Variants in ARHGAP22 observed in about 807,000 individuals in gnomAD.
The protein encoded by ARHGAP22 is Rho GTPase activating protein 22, also known as rho GTPase-activating protein 22.
In ARHGAP22, 48 loss-of-function variants were observed where a neutral mutation model predicts 59.1. That is an observed-to-expected ratio of 0.81 (90% CI 0.64 to 1.03). The LOEUF (loss-of-function observed/expected upper bound fraction) is 1.03. Ranked by LOEUF, ARHGAP22 falls within the 50% of genes least tolerant of loss-of-function variation. ARHGAP22 has a pLI of 0.00. For missense variants in ARHGAP22, 1,015 were observed against 958.7 expected (o/e 1.06, Z -0.78); for synonymous variants, 445 against 416.4 (o/e 1.07, Z -0.84).
chr10:48,649,692 C>G (rs1230627381), intron 1 of ARHGAP22, among the ~76,000 whole-genome samples: 2 of 152,068 alleles, frequency 1.3e-5, no homozygotes, highest in East Asian at 3.9e-4. Flanking sequence ...AGGAGAGTTC[C>G]CTAGGAGGAG....
At chr10:48,640,216 T>C (rs188588116) in intron 1 of ARHGAP22, among the ~76,000 whole-genome samples, 218 of 152,168 alleles carry the variant, frequency 1.4e-3, no homozygotes, top group African/African-American at 5.0e-3. Context: ...AGAAAAGACT[T>C]TCAGAGACCT....
downstream of ARHGAP22, among the ~76,000 whole-genome samples, chr10:48,443,534 G>A (rs577914938): frequency 6.6e-6 from 1 of 152,226 alleles, no homozygotes; most frequent in South Asian, 2.1e-4. Context: ...CCTGGTGCAA[G>A]TGGGGGTTCT....
chr10:48,571,052 T>C (rs573747495), intron 2 of ARHGAP22, among the ~76,000 whole-genome samples: 2 of 152,346 alleles, frequency 1.3e-5, no homozygotes, highest in Non-Finnish European at 2.9e-5. Context: ...CTTCCATTCC[T>C]CTTTGCCTTA....
At chr10:48,624,663 T>C (rs1413273135) in intron 1 of ARHGAP22, among the ~76,000 whole-genome samples, 1 of 152,228 alleles carries the variant, frequency 6.6e-6, no homozygotes, top group African/African-American at 2.4e-5. Context: ...CCATGTCATA[T>C]TTCAGGTGTA....
chr10:48,649,475 C>T, intron 1 of ARHGAP22, among the ~76,000 whole-genome samples: 1 of 152,218 alleles, frequency 6.6e-6, no homozygotes, highest in Non-Finnish European at 1.5e-5. Flanking sequence ...ATGCCTTCTC[C>T]TTCTCTTTGG....
intron 1 of ARHGAP22, among the ~76,000 whole-genome samples, chr10:48,640,239 A>G (rs1330158612): frequency 6.6e-6 from 1 of 152,194 alleles, no homozygotes; most frequent in Non-Finnish European, 1.5e-5. Context: ...AAAGCAACAT[A>G]AAGCATGCCA....
At chr10:48,607,017 A>G (rs965701468), upstream of ARHGAP22, among the ~76,000 whole-genome samples, 18 of 152,098 alleles carry the variant, frequency 1.2e-4, no homozygotes, top group African/African-American at 4.3e-4. Context: ...GCCACCCATG[A>G]GGAGTGGGGA....
chr10:48,557,747 C>T (rs1370750529), intron 2 of ARHGAP22, among the ~76,000 whole-genome samples: 1 of 152,200 alleles, frequency 6.6e-6, no homozygotes, highest in African/African-American at 2.4e-5. Flanking sequence ...TCCCAGTGTG[C>T]CCCCCACCAC....
chr10:48,572,713 G>C (rs1174596292), intron 2 of ARHGAP22, among the ~76,000 whole-genome samples: 1 of 152,128 alleles, frequency 6.6e-6, no homozygotes, highest in Non-Finnish European at 1.5e-5. Context: ...CTGCCTTTCC[G>C]GGTCTACCAG....
At chr10:48,451,260 C>A (rs775445421) in intron 8 of ARHGAP22, 120 bp from the exon 9 acceptor site, 258 of 1,372,648 alleles carry the variant, frequency 1.9e-4, no homozygotes, top group Admixed American at 5.5e-4. Context: ...AGCCAGGCCG[C>A]CCCTCAAGGG....
chr10:48,551,713 C>T (rs555780950), intron 3 of ARHGAP22, among the ~76,000 whole-genome samples: 32 of 152,348 alleles, frequency 2.1e-4, no homozygotes, highest in African/African-American at 7.5e-4. Context: ...GTCCCACTGG[C>T]ACTAAAGCCC....
Position 48,499,671 on chromosome 10 carries a change from G to A in ARHGAP22, c.323-19907C>T, listed in dbSNP as rs189200164. Among the ~76,000 whole-genome samples, 19 of 152,284 alleles carry A rather than the reference G, an allele frequency of 1.2e-4. No homozygotes were observed. The East Asian group carries it at 3.3e-3, about 26-fold the overall frequency. On this transcript the variant is annotated intron_variant, in intron 3 of 9. Transcript: ENST00000249601. ...AGGAGGGTGAGCTGTTATTACTCCT[G>A]CTGTTAAATTATTTTTCAGGGTACT...
chr10:48,525,633 T>C (rs1308036581), intron 3 of ARHGAP22, among the ~76,000 whole-genome samples: 6 of 152,172 alleles, frequency 3.9e-5, no homozygotes, highest in Non-Finnish European at 8.8e-5. Flanking sequence ...AGATGGTATA[T>C]GATATAAAAG....
intron 3 of ARHGAP22, among the ~76,000 whole-genome samples, chr10:48,514,543 A>G (rs2053105222): frequency 6.6e-6 from 1 of 152,182 alleles, no homozygotes; most frequent in African/African-American, 2.4e-5. Flanking sequence ...CTAAAAACCA[A>G]GAATATTCAG....
Position 48,620,176 on chromosome 10 carries a change from A to G in ARHGAP22, c.52+32058T>C, listed in dbSNP as rs139001401. Among the ~76,000 whole-genome samples, 10 of 152,314 alleles carry G rather than the reference A, an allele frequency of 6.6e-5. 1 individual carries two copies. The East Asian group carries it at 1.9e-3, about 29-fold the overall frequency. On this transcript the variant is annotated intron_variant, in intron 1 of 9. Transcript: ENST00000435790. ...GTCTTGGGAAAGAATGAATCAATAC[A>G]GTTCCTCACAGAGTTTATTGGGTTG...
chr10:48,606,274 C>T (rs1407812867), upstream of ARHGAP22, among the ~76,000 whole-genome samples: 1 of 152,124 alleles, frequency 6.6e-6, no homozygotes, highest in East Asian at 1.9e-4. Flanking sequence ...AGAGAGCCCA[C>T]CAGGAGATCA....
chr10:48,503,632 G>A (rs1425692275), intron 3 of ARHGAP22, among the ~76,000 whole-genome samples: 6 of 152,356 alleles, frequency 3.9e-5, no homozygotes, highest in African/African-American at 1.2e-4. Flanking sequence ...ACCATCCCAT[G>A]GTGCCGGGAG....
intron 3 of ARHGAP22, among the ~76,000 whole-genome samples, chr10:48,549,990 C>T (rs1207996479): frequency 6.6e-6 from 1 of 152,186 alleles, no homozygotes; most frequent in Non-Finnish European, 1.5e-5. Context: ...GCTTAACCTC[C>T]TGTTGCTTCC....
Position 48,550,059 on chromosome 10 carries a change from G to T in ARHGAP22, c.322+5404C>A, listed in dbSNP as rs531084067. ...GAGCGCCTTGGAACTAAGGTGTGAAGGAGACACACAGACCCCGTGCCCACT... is the reference window on the plus strand; with the variant it reads ...GAGCGCCTTGGAACTAAGGTGTGAATGAGACACACAGACCCCGTGCCCACT... On this transcript the variant is annotated intron_variant, in intron 3 of 9. Transcript: ENST00000249601. Among the ~76,000 whole-genome samples the T allele has an allele frequency of 2.0e-3, 307 of 152,314 alleles. 2 individuals are homozygous for T. Among genetic ancestry groups the T allele is most frequent in the African/African-American group, 7.2e-3 (299 of 41,562 alleles).
Sources: gnomAD v4.1 joint callset for allele counts (sites outside exome capture counted in the v4.1 genomes callset) on GRCh38, gnomAD v4.1.1 for gene constraint, MANE v1.5 for transcripts, NCBI Gene and HGNC (gene_info 2026-07-23, HGNC 2026-07-21) for gene names.